DAPK2: variants seen among roughly 807,000 people sequenced by gnomAD.
DAPK2 encodes the protein death-associated protein kinase 2.
In DAPK2, 35 loss-of-function variants were observed where a neutral mutation model predicts 44.1. That is an observed-to-expected ratio of 0.79 (90% CI 0.61 to 1.05). The LOEUF (loss-of-function observed/expected upper bound fraction) is 1.05, where lower values mean the gene tolerates loss of function less well. Among genes scored for constraint, DAPK2 ranks in the 50% least tolerant of loss-of-function variants. The probability of loss-of-function intolerance (pLI) is 0.00; values close to 1 mark genes in which losing one functional copy is unlikely to be tolerated. For missense variants in DAPK2, 453 were observed against 483.2 expected, an observed-to-expected ratio of 0.94 and a Z score of 0.59; for synonymous variants, 174 against 182.6, an observed-to-expected ratio of 0.95 and a Z score of 0.38.
Position 63,908,704 on chromosome 15 carries a change from T to C in DAPK2, c.1033-104A>G. ...GGTTGATTCACCTGGACCACGGGACTACAAGCCAGGGAGGTGGGTGGTGAA... is the reference window on the plus strand; with the variant it reads ...GGTTGATTCACCTGGACCACGGGACCACAAGCCAGGGAGGTGGGTGGTGAA... On this transcript the variant is annotated intron_variant, in intron 10 of 10. Transcript: ENST00000261891. This position sits in a 1 kb window ranked among gnomAD's most constrained non-coding sequence, Gnocchi z 5.7. The C allele has an allele frequency of 1.1e-6, 1 of 911,840 alleles. No individual in the cohort carries two copies. The highest frequency in any genetic ancestry group is 2.3e-4 in the Middle Eastern group (1 of 4,334). The allele number at this position is 911,840 out of a possible 1,614,324, so 56.5% of individuals were successfully genotyped here. A position where few individuals can be genotyped will look rare whatever the true frequency, so the allele number is the denominator to read the frequency against.
chr15:63,979,629 G>A (rs2078447276), intron 2 of DAPK2, among the ~76,000 whole-genome samples: 1 of 152,200 alleles, frequency 6.6e-6, no homozygotes, highest in South Asian at 2.1e-4. Flanking sequence ...AAAAGCCCAT[G>A]AGGCTGGGTG....
chr15:64,037,470 C>T (rs1356588630), intron 1 of DAPK2, among the ~76,000 whole-genome samples: 1 of 152,216 alleles, frequency 6.6e-6, no homozygotes, highest in African/African-American at 2.4e-5. Context: ...CTTAACACAC[C>T]TTATGGTGAT....
At chr15:63,937,597 C>A (rs369564545) in intron 4 of DAPK2, among the ~76,000 whole-genome samples, 5 of 152,154 alleles carry the variant, frequency 3.3e-5, no homozygotes, top group Non-Finnish European at 7.4e-5. Flanking sequence ...CTTCAGAGAC[C>A]TCTCCCACTC....
At chr15:63,929,968 G>T in intron 5 of DAPK2, 1 of 437,490 alleles carries the variant, frequency 2.3e-6, no homozygotes, top group Non-Finnish European at 4.3e-6. Flanking sequence ...ATAAAGCAGC[G>T]TCCAAATGAA....
chr15:64,019,913 A>G (rs927492209), intron 1 of DAPK2, among the ~76,000 whole-genome samples: 5 of 152,234 alleles, frequency 3.3e-5, no homozygotes, highest in African/African-American at 1.2e-4. Flanking sequence ...GTGAGTTGAC[A>G]TAGTCATCTC....
rs3222873 is a variant in DAPK2 at position 63,925,678 on chromosome 15, GCACACACACACA to G, written c.812+251_812+262del. On this transcript the variant is annotated intron_variant, in intron 7 of 10. Transcript: ENST00000261891. ...AAAGAAACCCAGGCTGACTTGTAGC[GCACACACACACA>G]CACACACACACACACACACACACAC... is the stretch of plus-strand genomic sequence containing the variant. 2.5e-3 allele frequency among the ~76,000 whole-genome samples: 347 copies of G among 138,538 alleles called. 1 individual carries two copies. Among genetic ancestry groups the G allele is most frequent in the African/African-American group, 9.0e-3 (322 of 35,712 alleles). The allele number at this position is 138,538 out of a possible 152,430, so 90.9% of individuals were successfully genotyped here.
rs1468280256 is a variant in DAPK2 at position 63,912,420 on chromosome 15, A to C, written c.859-223T>G. 6.6e-6 allele frequency among the ~76,000 whole-genome samples: 1 copy of C among 152,070 alleles called. No homozygotes were observed. Among genetic ancestry groups the C allele is most frequent in the Non-Finnish European group, 1.5e-5 (1 of 68,008 alleles). The stretch of plus-strand genomic sequence containing the variant: ...TCTCAGCTATTATTACCACAGCCTG[A>C]CACACACACAGCCTTGGCTGGAGGC... On this transcript the variant is annotated intron_variant, in intron 8 of 10. Coordinates refer to ENST00000261891, the Ensembl canonical transcript of DAPK2. The surrounding 1 kb of genome is among the most constrained non-coding windows in gnomAD (Gnocchi z 4.4).
intron 7 of DAPK2, among the ~76,000 whole-genome samples, chr15:63,925,678 G>GCACACA (rs3222873): frequency 2.4e-4 from 33 of 138,544 alleles, no homozygotes; most frequent in African/African-American, 2.8e-4. Context: ...GACTTGTAGC[G>GCACACA]CACACACACA....
At chr15:63,944,330 C>T (rs936029366) in intron 3 of DAPK2, among the ~76,000 whole-genome samples, 3 of 151,842 alleles carry the variant, frequency 2.0e-5, no homozygotes, top group Non-Finnish European at 4.4e-5. Flanking sequence ...TAAACAGAGG[C>T]CATGGCTCCC....
intron 1 of DAPK2, among the ~76,000 whole-genome samples, chr15:64,028,945 T>C (rs1242095168): frequency 6.6e-6 from 1 of 152,178 alleles, no homozygotes; most frequent in Non-Finnish European, 1.5e-5. Flanking sequence ...TTTCAAATTA[T>C]TTCAAAACAA....
At chr15:63,907,386 G>GT (rs1039704099) in exon 11 of DAPK2, 1 of 152,086 alleles carries the variant, frequency 6.6e-6, no homozygotes, top group African/African-American at 2.4e-5. Flanking sequence ...AGTGGTGGCA[G>GT]TGAGGTAGAG....
intron 1 of DAPK2, among the ~76,000 whole-genome samples, chr15:64,016,840 GA>G (rs1336843992): frequency 0.013 from 27 of 2,140 alleles, no homozygotes; most frequent in Non-Finnish European, 0.068. Context: ...AGGAAGGAGG[GA>G]AGGAAGGAAG....
At chr15:64,025,937 G>C (rs899008287) in intron 1 of DAPK2, among the ~76,000 whole-genome samples, 7 of 152,206 alleles carry the variant, frequency 4.6e-5, no homozygotes, top group Non-Finnish European at 1.0e-4. Context: ...CTCTGTAAAA[G>C]CCAATCTTAG....
intron 3 of DAPK2, among the ~76,000 whole-genome samples, chr15:63,964,844 C>T (rs1203168629): frequency 1.3e-5 from 2 of 152,010 alleles, no homozygotes; most frequent in African/African-American, 4.8e-5. Flanking sequence ...ATTCTGAATT[C>T]CTTCTCTGTG....
At chr15:63,909,871 G>A (rs1316827795) in intron 10 of DAPK2, 1 of 152,178 alleles carries the variant, frequency 6.6e-6, no homozygotes, top group African/African-American at 2.4e-5. Flanking sequence ...TATCTGTCAG[G>A]GAAGAAGGGC....
chr15:63,982,472 G>A (rs1254219641), intron 2 of DAPK2, among the ~76,000 whole-genome samples: 3 of 152,130 alleles, frequency 2.0e-5, no homozygotes, highest in African/African-American at 4.8e-5. Context: ...ACAGGCATGA[G>A]CCACTGCACC....
chr15:63,999,754 T>C (rs1349802966), intron 1 of DAPK2, among the ~76,000 whole-genome samples: 1 of 151,950 alleles, frequency 6.6e-6, no homozygotes, highest in African/African-American at 2.4e-5. Flanking sequence ...AGAATGCTTT[T>C]TTCCCTGCTT....
chr15:64,022,879 G>C (rs1281919749), intron 1 of DAPK2, among the ~76,000 whole-genome samples: 1 of 152,114 alleles, frequency 6.6e-6, no homozygotes, highest in African/African-American at 2.4e-5. Flanking sequence ...CCCTCAAAGG[G>C]GGTTAGACAG....
At chr15:64,041,349 G>C (rs772968593), upstream of DAPK2, among the ~76,000 whole-genome samples, 6 of 152,160 alleles carry the variant, frequency 3.9e-5, no homozygotes, top group Non-Finnish European at 8.8e-5. Flanking sequence ...GCCTGCCCCA[G>C]GCATCTCACT....
Sources: gnomAD v4.1 joint callset for allele counts (sites outside exome capture counted in the v4.1 genomes callset) on GRCh38, gnomAD v4.1.1 for gene constraint, Gnocchi (gnomAD v3.1) non-coding constraint, MANE v1.5 for transcripts, NCBI Gene and HGNC (gene_info 2026-07-23, HGNC 2026-07-21) for gene names.